Variants in ATP2A3 observed in about 807,000 individuals in gnomAD.
ATP2A3 encodes the protein sarcoplasmic/endoplasmic reticulum calcium ATPase 3.
ATP2A3 carries 61 observed loss-of-function variants against 106.8 expected under a neutral mutation model. The ratio of observed to expected loss-of-function variants is 0.57; its 90% confidence interval spans 0.46 to 0.71. The LOEUF is 0.71. Among genes scored for constraint, ATP2A3 ranks in the 30% least tolerant of loss-of-function variants. ATP2A3 has a pLI of 0.00. For synonymous variants in ATP2A3, 611 were observed against 609.3 expected (o/e 1.00, Z -0.04); for missense variants, 1,201 against 1,423.5 (o/e 0.84, Z 2.52).
chr17:3,928,408 G>C lies in ATP2A3; in HGVS notation c.2980+255C>G, dbSNP rs2052839602. On this transcript the variant is annotated intron_variant, in intron 20 of 20. Coordinates refer to ENST00000397041, the MANE Select transcript of ATP2A3 (RefSeq NM_005173.4). The surrounding 1 kb of genome is among the most constrained non-coding windows in gnomAD (Gnocchi z 6.1). The stretch of plus-strand genomic sequence containing the variant: ...ATGTAGGGGGTGGCAGGTGAAGACA[G>C]TGAGGCAGTGTGGCCCAAGAGGTGC... The C allele has an allele frequency of 7.4e-7, 1 of 1,348,342 alleles. No individual in the cohort carries two copies. Among genetic ancestry groups the C allele is most frequent in the Non-Finnish European group, 1.0e-6 (1 of 960,740 alleles). The allele number at this position is 1,348,342 out of a possible 1,614,324, so 83.5% of individuals were successfully genotyped here.
At chr17:3,954,937 C>T (rs1383517034) in intron 1 of ATP2A3, among the ~76,000 whole-genome samples, 1 of 152,210 alleles carries the variant, frequency 6.6e-6, no homozygotes, top group African/African-American at 2.4e-5. Flanking sequence ...CTTCACAGAC[C>T]CGGGCACGGA....
intron 7 of ATP2A3, among the ~76,000 whole-genome samples, chr17:3,949,052 C>T (rs1314896589): frequency 7.0e-6 from 1 of 141,986 alleles, no homozygotes; most frequent in African/African-American, 2.7e-5. Context: ...CGCTTGAACT[C>T]GGGAGGCGGA....
At chr17:3,945,307 TC>T in intron 8 of ATP2A3, 159 bp from the exon 9 acceptor site, 1 of 602,438 alleles carries the variant, frequency 1.7e-6, no homozygotes, top group Non-Finnish European at 2.9e-6. Flanking sequence ...GAACGCAGGG[TC>T]CAGGCTGAGG....
chr17:3,945,254 G>A (rs946964964), intron 8 of ATP2A3, 106 bp from the exon 9 acceptor site: 19 of 1,067,340 alleles, frequency 1.8e-5, no homozygotes, highest in Non-Finnish European at 2.3e-5. Context: ...CCCGACCGAG[G>A]GCCAAACCGG....
At chr17:3,932,309 A>T (rs2053151435) in intron 17 of ATP2A3, among the ~76,000 whole-genome samples, 1 of 152,070 alleles carries the variant, frequency 6.6e-6, no homozygotes, top group Admixed American at 6.5e-5. Flanking sequence ...ACCCGTGGCT[A>T]ATTTTTGTGT....
At position 3,951,613 on chromosome 17, in the gene ATP2A3, G is replaced by A; in HGVS notation, c.292C>T (p.Leu98Phe). The change falls in exon 4 of 21, where the codon CTC (leucine) becomes TTC (phenylalanine). Residue 98 changes from leucine to phenylalanine, a missense_variant. By Grantham distance (22) the Leu-to-Phe change is conservative (BLOSUM62 0). Coordinates refer to ENST00000397041, the MANE Select transcript of ATP2A3 (RefSeq NM_005173.4). Reference protein sequence around the residue: ...FVEPLVIMLILVANAIVGVWQ... With the variant: ...FVEPLVIMLIFVANAIVGVWQ... Reference sequence around the variant, plus strand: ...ACGCCCACAATGGCGTTGGCCACGAGGATCAGCATGATGACCAGGGGCTCC... The same window carrying A: ...ACGCCCACAATGGCGTTGGCCACGAAGATCAGCATGATGACCAGGGGCTCC... 6.4e-7 allele frequency: 1 copy of A among 1,561,804 alleles called. No homozygotes were observed. Among genetic ancestry groups the A allele is most frequent in the Non-Finnish European group, 8.7e-7 (1 of 1,147,464 alleles).
Position 3,953,512 on chromosome 17 carries a change from C to A in ATP2A3, c.137-83G>T, listed in dbSNP as rs967142611. ...AGCTGGGATGGCCCGGGAGACCTCC[C>A]GGCCCATTCCCTCCCTGCACTCAGA... On this transcript the variant is annotated intron_variant, in intron 2 of 20. Coordinates refer to ENST00000397041, the MANE Select transcript of ATP2A3 (RefSeq NM_005173.4). This position sits in a 1 kb window ranked among gnomAD's most constrained non-coding sequence, Gnocchi z 5.1. 3 of 1,535,702 alleles carry A rather than the reference C, an allele frequency of 2.0e-6. No homozygotes were observed. In the Admixed American group the frequency reaches 5.1e-5, roughly 26 times the overall value.
chr17:3,931,314 T>C (rs2053068933), intron 17 of ATP2A3, among the ~76,000 whole-genome samples: 1 of 152,100 alleles, frequency 6.6e-6, no homozygotes, highest in Admixed American at 6.6e-5. Context: ...TGATAACCCC[T>C]ATAGCCTCAG....
chr17:3,928,652 C>T lies in ATP2A3; in HGVS notation c.2980+11G>A, dbSNP rs1425820764. ...AGGCAGGCTGGAGGCGGGACGGGGC[C>T]TCCCACTCACCGTGCATGTGGTTCC... is the stretch of plus-strand genomic sequence containing the variant. On this transcript the variant is annotated intron_variant, in intron 20 of 20. Coordinates refer to ENST00000397041, the MANE Select transcript of ATP2A3 (RefSeq NM_005173.4). This position sits in a 1 kb window ranked among gnomAD's most constrained non-coding sequence, Gnocchi z 6.1. 1 of 1,547,008 alleles carries T rather than the reference C, an allele frequency of 6.5e-7. No individual in the cohort carries two copies.
At chr17:3,927,430 C>G (rs1280874035) in intron 20 of ATP2A3, 7 of 985,252 alleles carry the variant, frequency 7.1e-6, no homozygotes, top group African/African-American at 3.5e-5. Context: ...AGGCCTGGCT[C>G]TGCAGGTGAG....
chr17:3,929,409 G>C lies in ATP2A3; in HGVS notation c.2781C>G (p.Pro927=). 6.3e-7 allele frequency: 1 copy of C among 1,591,726 alleles called. No homozygotes were observed. The highest frequency in any genetic ancestry group is 8.5e-7 in the Non-Finnish European group (1 of 1,170,104). The change falls in exon 19 of 21, where the codon CCC becomes CCG. Residue 927 remains proline (P), a synonymous_variant. Coordinates refer to ENST00000397041, the MANE Select transcript of ATP2A3 (RefSeq NM_005173.4). This position sits in a 1 kb window ranked among gnomAD's most constrained non-coding sequence, Gnocchi z 4.3. The stretch of plus-strand genomic sequence containing the variant: ...CCACCAGCAGCCAGGGGTTCATCCA[G>C]GGCGGCATCCGCAGCAGCGACTGGT... ...SENQSLLRMP[P]WMNPWLLVAV...
At chr17:3,958,084 GA>G in intron 1 of ATP2A3, among the ~76,000 whole-genome samples, 1 of 152,322 alleles carries the variant, frequency 6.6e-6, no homozygotes, top group East Asian at 1.9e-4. Flanking sequence ...TTAGAGCAAG[GA>G]ATCTGGTCCA....
rs760810857 is a variant in ATP2A3 at position 3,926,870 on chromosome 17, G to A, written c.2981-1429C>T. 287 of 985,228 alleles carry A rather than the reference G, an allele frequency of 2.9e-4. No homozygotes were observed. Among genetic ancestry groups the A allele is most frequent in the Non-Finnish European group, 3.3e-4 (275 of 829,906 alleles). 61.0% of individuals were successfully genotyped at this position (985,228 alleles called of 1,614,324 possible). A position where few individuals can be genotyped will look rare whatever the true frequency, so the allele number is the denominator to read the frequency against. ...AGGTGTGAGCCACTGCACCCGGCCC[G>A]TTAGTCTCACCCCCTCTTGCCTGTC... On this transcript the variant is annotated intron_variant, in intron 20 of 20. Coordinates refer to ENST00000397041, the MANE Select transcript of ATP2A3 (RefSeq NM_005173.4). The surrounding 1 kb of genome is among the most constrained non-coding windows in gnomAD (Gnocchi z 4.6).
At chr17:3,939,829 A>G in intron 14 of ATP2A3, among the ~76,000 whole-genome samples, 1 of 147,102 alleles carries the variant, frequency 6.8e-6, no homozygotes. Context: ...ATCTGATACG[A>G]CAAGGCAGAT....
At chr17:3,952,373 C>T (rs2054499876) in intron 3 of ATP2A3, among the ~76,000 whole-genome samples, 1 of 152,160 alleles carries the variant, frequency 6.6e-6, no homozygotes, top group Admixed American at 6.5e-5. Flanking sequence ...CCCAGCCAAG[C>T]CCAGGTGATT....
intron 1 of ATP2A3, among the ~76,000 whole-genome samples, chr17:3,959,616 G>A (rs568896493): frequency 2.6e-5 from 4 of 152,342 alleles, no homozygotes; most frequent in Admixed American, 2.0e-4. Context: ...AGTTCCAGCC[G>A]GGAGAGGCAA....
At chr17:3,960,006 G>T (rs2144770922) in intron 1 of ATP2A3, among the ~76,000 whole-genome samples, 1 of 152,332 alleles carries the variant, frequency 6.6e-6, no homozygotes, top group East Asian at 1.9e-4. Flanking sequence ...GCCCAGCAGG[G>T]GCCAGTGGGA....
In ATP2A3 at chr17:3,953,515, C is replaced by G. The variant is rs1345818051; in HGVS notation, c.137-86G>C. The G allele has an allele frequency of 3.3e-6, 5 of 1,515,904 alleles. No homozygotes were observed. The highest frequency in any genetic ancestry group is 4.6e-6 in the Non-Finnish European group (5 of 1,095,902). The allele number at this position is 1,515,904 out of a possible 1,614,324, so 93.9% of individuals were successfully genotyped here. A position where few individuals can be genotyped will look rare whatever the true frequency, so the allele number is the denominator to read the frequency against. ...TGGGATGGCCCGGGAGACCTCCCGG[C>G]CCATTCCCTCCCTGCACTCAGAAGA... On this transcript the variant is annotated intron_variant, in intron 2 of 20. Transcript: ENST00000397041. The surrounding 1 kb of genome is among the most constrained non-coding windows in gnomAD (Gnocchi z 5.1).
chr17:3,944,691 G>C lies in ATP2A3; in HGVS notation c.1287+13C>G. On this transcript the variant is annotated intron_variant, in intron 10 of 20. Transcript: ENST00000397041. ...TGGATACTAGGGAGGTCATGAAAGG[G>C]GGTGAGGCCCACCTCGTTGTAGTCC... 6.2e-7 allele frequency: 1 copy of C among 1,611,320 alleles called. No individual in the cohort carries two copies. The highest frequency in any genetic ancestry group is 8.5e-7 in the Non-Finnish European group (1 of 1,178,564).
Sources: gnomAD v4.1 joint callset for allele counts (sites outside exome capture counted in the v4.1 genomes callset) on GRCh38, gnomAD v4.1.1 for gene constraint, Gnocchi (gnomAD v3.1) non-coding constraint, MANE v1.5 for transcripts, NCBI Gene and HGNC (gene_info 2026-07-23, HGNC 2026-07-21) for gene names.